The following FAM222A variants were observed in gnomAD, a reference collection of about 807,000 sequenced individuals.
FAM222A encodes family with sequence similarity 222 member A, also known as protein FAM222A.
In FAM222A, 7 loss-of-function variants were observed where a neutral mutation model predicts 25.8. The observed-to-expected ratio is 0.27, with a 90% confidence interval of 0.15 to 0.51. FAM222A has a LOEUF of 0.51. Ranked by LOEUF, FAM222A falls within the 20% of genes least tolerant of loss-of-function variation. The pLI is 0.97. For synonymous variants in FAM222A, 294 were observed against 298.8 expected, an observed-to-expected ratio of 0.98 and a Z score of 0.17; for missense variants, 573 against 640.5, an observed-to-expected ratio of 0.89 and a Z score of 1.14.
intron 1 of FAM222A, among the ~76,000 whole-genome samples, chr12:109,725,890 G>C (rs1323125222): frequency 1.3e-5 from 2 of 152,030 alleles, no homozygotes; most frequent in East Asian, 3.9e-4. Flanking sequence ...AAACTCCACA[G>C]TGTTCCCGGG....
chr12:109,732,472 C>T (rs1887968343), intron 1 of FAM222A, among the ~76,000 whole-genome samples: 1 of 152,248 alleles, frequency 6.6e-6, no homozygotes, highest in Non-Finnish European at 1.5e-5. Context: ...GCCCAGCAGC[C>T]CATTGTCTGG....
rs188751104 is a variant in FAM222A, at chr12:109,746,177, G to T, written c.82+1949G>T. Among the ~76,000 whole-genome samples the T allele has an allele frequency of 1.6e-3, 248 of 152,146 alleles. 2 individuals carry two copies. The East Asian group carries it at 0.037, about 23-fold the overall frequency. ...TTTTAATTCCCCCAGGTTTCTTATA[G>T]ATCTCTGATGGTTTTTAAGAAATGT... is the stretch of plus-strand genomic sequence containing the variant. On this transcript the variant is annotated intron_variant, in intron 2 of 2. Coordinates refer to ENST00000538780, the MANE Select transcript of FAM222A (RefSeq NM_032829.3).
At chr12:109,753,687 T>C in intron 2 of FAM222A, among the ~76,000 whole-genome samples, 1 of 151,934 alleles carries the variant, frequency 6.6e-6, no homozygotes, top group African/African-American at 2.4e-5. Context: ...GAGCAGCTCT[T>C]CCCCAATTCC....
chr12:109,736,125 C>G (rs1888080215), intron 1 of FAM222A, among the ~76,000 whole-genome samples: 1 of 152,234 alleles, frequency 6.6e-6, no homozygotes, highest in Non-Finnish European at 1.5e-5. Context: ...GGGTCCCTGC[C>G]TGGCCCTGCA....
In FAM222A at chr12:109,768,932, C is replaced by T. The variant is rs1322648338; in HGVS notation, c.1003C>T (p.Leu335=). The T allele has an allele frequency of 6.3e-7, 1 of 1,576,544 alleles. No homozygotes were observed. The highest frequency in any genetic ancestry group is 8.6e-7 in the Non-Finnish European group (1 of 1,168,250). Residue 335 remains leucine (L), a synonymous_variant, in exon 3 of 3, where the codon CTG becomes TTG. Transcript: ENST00000538780. The part of the protein sequence containing the change: ...SGSPLNCGVG[L]PTSFTVGQYF... ...GTCACCCCTCAACTGTGGCGTGGGG[C>T]TGCCCACCAGCTTCACCGTAGGCCA...
At chr12:109,756,800 A>G (rs780650564) in intron 2 of FAM222A, among the ~76,000 whole-genome samples, 8 of 152,150 alleles carry the variant, frequency 5.3e-5, no homozygotes, top group Non-Finnish European at 7.4e-5. Context: ...TATATGGTCC[A>G]TAGTTTTTTT....
chr12:109,758,210 G>C (rs1888789927), intron 2 of FAM222A, among the ~76,000 whole-genome samples: 1 of 152,182 alleles, frequency 6.6e-6, no homozygotes, highest in Non-Finnish European at 1.5e-5. Context: ...CACGTATGTA[G>C]CTTGCGTGTG....
At chr12:109,744,345 C>T (rs534024461) in intron 2 of FAM222A, 117 bp downstream of exon 2, 6 of 1,437,670 alleles carry the variant, frequency 4.2e-6, no homozygotes, top group Admixed American at 2.6e-5. Context: ...CTCTCTTAGG[C>T]CCCCAGGCCT....
At chr12:109,731,251 G>C (rs963096371) in intron 1 of FAM222A, among the ~76,000 whole-genome samples, 5 of 152,040 alleles carry the variant, frequency 3.3e-5, no homozygotes, top group Admixed American at 3.3e-4. Flanking sequence ...TGGCGGGAGG[G>C]GTAACTCAAC....
At chr12:109,717,360 G>A (rs1052793708) in intron 1 of FAM222A, among the ~76,000 whole-genome samples, 10 of 152,182 alleles carry the variant, frequency 6.6e-5, no homozygotes, top group East Asian at 5.8e-4. Context: ...GGAGGGAGGC[G>A]GTGAAGCTGC....
At chr12:109,721,010 C>T (rs1169041066) in intron 1 of FAM222A, among the ~76,000 whole-genome samples, 1 of 152,224 alleles carries the variant, frequency 6.6e-6, no homozygotes, top group Non-Finnish European at 1.5e-5. Context: ...TAATTGAATA[C>T]TTTTGCCTAT....
intron 1 of FAM222A, among the ~76,000 whole-genome samples, chr12:109,715,932 G>C (rs1461887457): frequency 6.6e-6 from 1 of 152,178 alleles, no homozygotes; most frequent in East Asian, 1.9e-4. Context: ...AGCCAAGGAA[G>C]GTGCAGAGGA....
intron 1 of FAM222A, among the ~76,000 whole-genome samples, chr12:109,730,412 G>C (rs971523292): frequency 6.6e-6 from 1 of 151,424 alleles, no homozygotes; most frequent in Non-Finnish European, 1.5e-5. Flanking sequence ...GGGGCGGGGG[G>C]GGGGGTTCCT....
chr12:109,768,535 C>G lies in FAM222A; in HGVS notation c.606C>G (p.Leu202=). 1 of 1,605,514 alleles carries G rather than the reference C, an allele frequency of 6.2e-7. No individual in the cohort carries two copies. Among genetic ancestry groups the G allele is most frequent in the Admixed American group, 1.7e-5 (1 of 59,844 alleles). ...PPSNLPSIHS[L]LYQLNQQCQA... ...CCAACCTGCCCTCCATCCACAGCCT[C>G]CTGTACCAGCTCAACCAGCAGTGCC... is the stretch of plus-strand genomic sequence containing the variant. The change falls in exon 3 of 3, where the codon CTC becomes CTG. Residue 202 remains leucine (L), a synonymous_variant. Transcript: ENST00000538780.
intron 1 of FAM222A, among the ~76,000 whole-genome samples, chr12:109,724,472 G>T (rs1484081586): frequency 6.6e-5 from 10 of 152,186 alleles, no homozygotes; most frequent in African/African-American, 2.4e-4. Context: ...TTGCCCTGGT[G>T]CCCAGCCTGG....
chr12:109,747,331 G>A (rs549231196), intron 2 of FAM222A, among the ~76,000 whole-genome samples: 1 of 152,244 alleles, frequency 6.6e-6, no homozygotes, highest in South Asian at 2.1e-4. Context: ...CTGACTTCAG[G>A]TGATTCACCC....
At chr12:109,736,216 C>T (rs1888081913) in intron 1 of FAM222A, among the ~76,000 whole-genome samples, 1 of 152,190 alleles carries the variant, frequency 6.6e-6, no homozygotes, top group Non-Finnish European at 1.5e-5. Context: ...CTGTTTGCTC[C>T]TCTCTCTCAA....
At chr12:109,737,229 C>T (rs1888110742) in intron 1 of FAM222A, among the ~76,000 whole-genome samples, 1 of 152,044 alleles carries the variant, frequency 6.6e-6, no homozygotes, top group Non-Finnish European at 1.5e-5. Flanking sequence ...TGGGCCAAAG[C>T]CTGCAAGTGT....
intron 2 of FAM222A, among the ~76,000 whole-genome samples, chr12:109,766,602 C>T (rs142294775): frequency 6.8e-4 from 103 of 152,298 alleles, no homozygotes; most frequent in African/African-American, 2.5e-3. Context: ...GTCATCATCC[C>T]GTTTCACAGG....
Sources: allele counts gnomAD v4.1 joint callset (sites outside exome capture counted in the v4.1 genomes callset), GRCh38; gene constraint gnomAD v4.1.1; transcripts MANE v1.5; gene names NCBI Gene and HGNC (gene_info 2026-07-23, HGNC 2026-07-21).